ARHGEF6: variants seen among roughly 807,000 people sequenced by gnomAD.
The protein encoded by ARHGEF6 is Rac/Cdc42 guanine nucleotide exchange factor 6.
Under a neutral mutation model 70.3 loss-of-function variants are expected in ARHGEF6, and 9 were observed. That is an observed-to-expected ratio of 0.13 (90% CI 0.08 to 0.22). ARHGEF6 has a LOEUF of 0.22. Among genes scored for constraint, ARHGEF6 ranks in the 10% least tolerant of loss-of-function variants. ARHGEF6 has a pLI of 1.00. For synonymous variants in ARHGEF6, 201 were observed against 207.8 expected (o/e 0.97, Z 0.28); for missense variants, 470 against 563.0 (o/e 0.83, Z 1.67).
intron 6 of ARHGEF6, among the ~76,000 whole-genome samples, chrX:136,730,108 A>G (rs1197827393): frequency 1.8e-5 from 2 of 111,069 alleles, no homozygotes; most frequent in Non-Finnish European, 3.8e-5. Context: ...CTAGTTATAT[A>G]AAAGAAAAAT....
At chrX:136,779,519 T>A in intron 1 of ARHGEF6, 22 bp from the exon 2 acceptor site, 1 of 1,178,849 alleles carries the variant, frequency 8.5e-7, no homozygotes, top group Non-Finnish European at 1.2e-6. Context: ...CAGTGAAATG[T>A]CACTTGGAGA....
chrX:136,750,656 C>G (rs1411687590), intron 2 of ARHGEF6, among the ~76,000 whole-genome samples: 1 of 111,909 alleles, frequency 8.9e-6, no homozygotes, highest in Non-Finnish European at 1.9e-5. Flanking sequence ...TTCCTGCAAT[C>G]AGATGATGCA....
In ARHGEF6 at chrX:136,729,766, G is replaced by C. The variant is rs752492717; in HGVS notation, c.732+2336C>G. On this transcript the variant is annotated intron_variant, in intron 6 of 21. Transcript: ENST00000250617. ...AATTTCTTGAACCCGGGAGGCGGAG[G>C]TTGCAGTGAGCTGAGATCGTGCCAC... Among the ~76,000 whole-genome samples, 32 of 108,688 alleles carry C rather than the reference G, an allele frequency of 2.9e-4. No individual in the cohort carries two copies. The East Asian group carries it at 7.2e-3, about 24-fold the overall frequency. The allele number at this position is 108,688 out of a possible 115,157, so 94.4% of individuals were successfully genotyped here. A position where few individuals can be genotyped will look rare whatever the true frequency, so the allele number is the denominator to read the frequency against.
chrX:136,710,278 T>A (rs1156580941), intron 7 of ARHGEF6, among the ~76,000 whole-genome samples: 2 of 104,316 alleles, frequency 1.9e-5, no homozygotes, highest in Non-Finnish European at 3.9e-5. Flanking sequence ...CACTCCAGCC[T>A]GGGGGTGGAG....
At chrX:136,690,857 T>G in intron 9 of ARHGEF6, 109 bp from the exon 10 acceptor site, 1 of 882,509 alleles carries the variant, frequency 1.1e-6, no homozygotes, top group Admixed American at 2.6e-5. Flanking sequence ...CAAATAAAAA[T>G]GTGTTTTACT....
intron 19 of ARHGEF6, among the ~76,000 whole-genome samples, chrX:136,674,400 A>T (rs1163234247): frequency 8.9e-6 from 1 of 112,727 alleles, no homozygotes; most frequent in Non-Finnish European, 1.9e-5. Flanking sequence ...AAAAGCATAA[A>T]GATGAATCAG....
chrX:136,676,614 A>C lies in ARHGEF6; in HGVS notation c.1945+10T>G, dbSNP rs1180602504. The stretch of plus-strand genomic sequence containing the variant: ...CCATAAACAACTTTCAGAAAGTACA[A>C]AACACATACTTTTCCTAATCACATA... On this transcript the variant is annotated intron_variant, in intron 18 of 21. Coordinates refer to ENST00000250617, the MANE Select transcript of ARHGEF6 (RefSeq NM_004840.3). The C allele has an allele frequency of 3.4e-6, 4 of 1,165,948 alleles. No individual in the cohort carries two copies. In the African/African-American group the frequency reaches 5.3e-5, roughly 15 times the overall value.
chrX:136,677,791 C>T (rs1479500707), intron 17 of ARHGEF6, 145 bp downstream of exon 17: 3 of 449,919 alleles, frequency 6.7e-6, no homozygotes, highest in Non-Finnish European at 1.1e-5. Context: ...GAACAAAGTA[C>T]TTACATGTCA....
At chrX:136,702,188 T>G (rs1603339874) in intron 9 of ARHGEF6, among the ~76,000 whole-genome samples, 1 of 111,972 alleles carries the variant, frequency 8.9e-6, no homozygotes, top group Admixed American at 9.5e-5. Flanking sequence ...TAGTGTTATG[T>G]GAAAGTGTTG....
At chrX:136,671,233 T>C (rs2076222850) in intron 20 of ARHGEF6, among the ~76,000 whole-genome samples, 1 of 111,819 alleles carries the variant, frequency 8.9e-6, no homozygotes, top group African/African-American at 3.3e-5. Context: ...AGCTAATGAG[T>C]AGCAGAAGTG....
At position 136,665,908 on chromosome X, in the gene ARHGEF6, T is replaced by C. The variant is rs1018148475; in HGVS notation, c.*2121A>G. 8.0e-5 allele frequency: 9 copies of C among 112,727 alleles called. No homozygotes were observed. The highest frequency in any genetic ancestry group is 2.9e-4 in the African/African-American group (9 of 30,927). 9.3% of individuals were successfully genotyped at this position (112,727 alleles called of 1,213,427 possible). A position where few individuals can be genotyped will look rare whatever the true frequency, so the allele number is the denominator to read the frequency against. ...AAACATGCATATGTACTCATCACTG[T>C]AAAATGAAGACCTTTCAATATTTTC... On this transcript the variant is annotated 3_prime_UTR_variant, in exon 22 of 22. Coordinates refer to ENST00000250617, the MANE Select transcript of ARHGEF6 (RefSeq NM_004840.3).
intron 2 of ARHGEF6, among the ~76,000 whole-genome samples, chrX:136,757,315 G>A (rs767642638): frequency 5.7e-4 from 64 of 112,632 alleles, no homozygotes; most frequent in Middle Eastern, 4.6e-3. Context: ...AGTTGAGATC[G>A]CGCCACTAGC....
At chrX:136,720,483 C>T (rs182266048) in intron 6 of ARHGEF6, among the ~76,000 whole-genome samples, 1,136 of 106,238 alleles carry the variant, frequency 0.011, 12 homozygotes, top group African/African-American at 0.036. Context: ...AATAGTTTCT[C>T]AACTTGATAA....
intron 2 of ARHGEF6, among the ~76,000 whole-genome samples, chrX:136,764,803 G>A (rs2077298330): frequency 2.7e-5 from 3 of 112,209 alleles, no homozygotes; most frequent in South Asian, 3.7e-4. Flanking sequence ...GTTGATTTAA[G>A]CATTTTTTTA....
chrX:136,712,037 G>A (rs186515938), intron 7 of ARHGEF6, among the ~76,000 whole-genome samples: 2 of 112,371 alleles, frequency 1.8e-5, no homozygotes, highest in South Asian at 3.7e-4. Flanking sequence ...ATTTGGAAAA[G>A]GGGAGAATTT....
chrX:136,686,717 T>TATATATATATACACATATATATATAC (rs2076405936), intron 11 of ARHGEF6, among the ~76,000 whole-genome samples: 1 of 77,377 alleles, frequency 1.3e-5, no homozygotes, highest in Admixed American at 1.4e-4. Flanking sequence ...TACATATATA[T>TATATATATATACACATATATATATAC]ATATATATAT....
intron 5 of ARHGEF6, among the ~76,000 whole-genome samples, chrX:136,743,050 TA>T: frequency 8.9e-6 from 1 of 111,816 alleles, no homozygotes; most frequent in East Asian, 2.8e-4. Flanking sequence ...TGGCTATTGT[TA>T]CAAAAAAAAG....
At chrX:136,721,454 T>C (rs957403676) in intron 6 of ARHGEF6, among the ~76,000 whole-genome samples, 2 of 110,674 alleles carry the variant, frequency 1.8e-5, no homozygotes, top group Non-Finnish European at 3.8e-5. Flanking sequence ...CCCCAGCTAC[T>C]TGGGAGGCTG....
chrX:136,748,299 A>G (rs759317747), intron 2 of ARHGEF6, among the ~76,000 whole-genome samples: 20 of 111,446 alleles, frequency 1.8e-4, no homozygotes. Flanking sequence ...CCCAAATATG[A>G]CCTCTGGCCT....
Sources: allele counts gnomAD v4.1 joint callset (sites outside exome capture counted in the v4.1 genomes callset), GRCh38; gene constraint gnomAD v4.1.1; transcripts MANE v1.5; gene names NCBI Gene and HGNC (gene_info 2026-07-23, HGNC 2026-07-21).